AGMO: variants seen among roughly 807,000 people sequenced by gnomAD.
AGMO encodes glyceryl-ether monooxygenase.
In AGMO, 75 loss-of-function variants were observed where a neutral mutation model predicts 60.2. That is an observed-to-expected ratio of 1.25 (90% CI 1.03 to 1.51). The LOEUF (loss-of-function observed/expected upper bound fraction) is 1.51. AGMO is among the 40% of genes most tolerant of loss of function. AGMO has a pLI of 0.00. For missense variants in AGMO, 763 were observed against 525.5 expected (o/e 1.45, Z -4.42); for synonymous variants, 261 against 177.1 (o/e 1.47, Z -3.76).
At chr7:15,322,733 TAA>T (rs1322108018) in intron 12 of AGMO, among the ~76,000 whole-genome samples, 1 of 123,104 alleles carries the variant, frequency 8.1e-6, no homozygotes, top group Non-Finnish European at 1.6e-5. Context: ...AATATATATA[TAA>T]ATATATAAAT....
chr7:15,452,628 G>C (rs547925110), intron 3 of AGMO, among the ~76,000 whole-genome samples: 3 of 152,304 alleles, frequency 2.0e-5, no homozygotes, highest in Non-Finnish European at 2.9e-5. Context: ...CTGAAACATT[G>C]CCGGTGTGTA....
intron 4 of AGMO, among the ~76,000 whole-genome samples, chr7:15,427,458 G>C (rs1471962148): frequency 6.6e-6 from 1 of 152,054 alleles, no homozygotes. Flanking sequence ...ACTTTATTTA[G>C]AATTCACTAG....
the AGMO span, among the ~76,000 whole-genome samples, chr7:15,156,679 C>T: frequency 2.6e-5 from 4 of 152,194 alleles, no homozygotes; most frequent in African/African-American, 9.7e-5. Context: ...AGTCTTCATG[C>T]TCGGCAACCA....
At chr7:15,428,824 T>C (rs1003072969) in intron 4 of AGMO, among the ~76,000 whole-genome samples, 1 of 152,080 alleles carries the variant, frequency 6.6e-6, no homozygotes, top group Non-Finnish European at 1.5e-5. Flanking sequence ...GCTTTCTCTC[T>C]GAAAATGCAA....
At chr7:15,271,334 C>A (rs1324684079) in intron 12 of AGMO, among the ~76,000 whole-genome samples, 1 of 151,924 alleles carries the variant, frequency 6.6e-6, no homozygotes, top group Non-Finnish European at 1.5e-5. Context: ...ATGTCATCTG[C>A]AATTTCTTTC....
chr7:15,546,313 T>A (rs1784781941), intron 2 of AGMO, among the ~76,000 whole-genome samples: 1 of 152,122 alleles, frequency 6.6e-6, no homozygotes, highest in Middle Eastern at 3.2e-3. Context: ...CACCACACAT[T>A]AAAAAACTCA....
At chr7:15,192,492 C>G in the AGMO span, among the ~76,000 whole-genome samples, 1 of 152,152 alleles carries the variant, frequency 6.6e-6, no homozygotes, top group Non-Finnish European at 1.5e-5. Flanking sequence ...AGCTCCCCAT[C>G]CATCCCACTG....
chr7:15,127,002 ACT>A, the AGMO span, among the ~76,000 whole-genome samples: 1 of 152,012 alleles, frequency 6.6e-6, no homozygotes, highest in Non-Finnish European at 1.5e-5. Flanking sequence ...CTTCAGATAA[ACT>A]CAGCTAATTG....
chr7:15,229,437 T>G (rs2128499015), intron 12 of AGMO, among the ~76,000 whole-genome samples: 1 of 149,140 alleles, frequency 6.7e-6, no homozygotes, highest in Admixed American at 6.7e-5. Context: ...CAAGGTGGGG[T>G]TTTTGTCTCG....
intron 3 of AGMO, among the ~76,000 whole-genome samples, chr7:15,515,202 A>G (rs952767621): frequency 1.3e-5 from 2 of 152,242 alleles, no homozygotes; most frequent in Admixed American, 1.3e-4. Context: ...TGAAACTACT[A>G]AAAGGTTTTA....
intron 12 of AGMO, among the ~76,000 whole-genome samples, chr7:15,316,743 C>A (rs538208864): frequency 6.6e-6 from 1 of 152,092 alleles, no homozygotes; most frequent in Admixed American, 6.5e-5. Flanking sequence ...CACTGTTTAG[C>A]GAAAAATCCA....
rs527463907 is a variant in AGMO at position 15,270,596 on chromosome 7, ATTTTTTTTTTTTTTTTTTTTTTTTTT to A, written c.1264-69263_1264-69238del. ...ATTAAACAAATTTAATCTGTTGATA[ATTTTTTTTTTTTTTTTTTTTTTTTTT>A]TTTTTTTTTTTTTTTGCTGTGCAGA... On this transcript the variant is annotated intron_variant, in intron 12 of 12. Transcript: ENST00000342526. Among the ~76,000 whole-genome samples, 11 of 48,074 alleles carry A rather than the reference ATTTTTTTTTTTTTTTTTTTTTTTTTT, an allele frequency of 2.3e-4. No homozygotes were observed. In the South Asian group the frequency reaches 7.1e-3, roughly 31 times the overall value. The allele number at this position is 48,074 out of a possible 152,430, so 31.5% of individuals were successfully genotyped here. A position where few individuals can be genotyped will look rare whatever the true frequency, so the allele number is the denominator to read the frequency against.
the AGMO span, among the ~76,000 whole-genome samples, chr7:15,131,586 T>C: frequency 1.3e-5 from 2 of 152,138 alleles, no homozygotes; most frequent in Non-Finnish European, 2.9e-5. Flanking sequence ...GAATTTGTTT[T>C]TATCCTGCAT....
chr7:15,167,961 T>G, the AGMO span, among the ~76,000 whole-genome samples: 6 of 152,210 alleles, frequency 3.9e-5, no homozygotes, highest in Admixed American at 3.9e-4. Context: ...AGAATAGAAA[T>G]GCTAGACCTT....
At chr7:15,248,965 G>A (rs973117464) in intron 12 of AGMO, among the ~76,000 whole-genome samples, 19 of 152,172 alleles carry the variant, frequency 1.2e-4, no homozygotes, top group African/African-American at 4.3e-4. Flanking sequence ...TACATAAATC[G>A]GTATGCTAAG....
chr7:15,280,836 A>G (rs1439776041), intron 12 of AGMO, among the ~76,000 whole-genome samples: 2 of 152,222 alleles, frequency 1.3e-5, no homozygotes, highest in Non-Finnish European at 2.9e-5. Context: ...TACAATCAGT[A>G]TCTGAGAAAG....
At chr7:15,321,932 A>G (rs1781120004) in intron 12 of AGMO, among the ~76,000 whole-genome samples, 2 of 151,986 alleles carry the variant, frequency 1.3e-5, no homozygotes, top group African/African-American at 4.8e-5. Context: ...ATTTAATACA[A>G]TTTTTTTCTT....
chr7:15,119,905 G>A, the AGMO span, among the ~76,000 whole-genome samples: 2 of 148,310 alleles, frequency 1.3e-5, no homozygotes, highest in Non-Finnish European at 3.0e-5. Context: ...CCTTATAAAT[G>A]TAGCACCAGA....
At chr7:15,277,445 T>A (rs866904220) in intron 12 of AGMO, among the ~76,000 whole-genome samples, 1 of 152,214 alleles carries the variant, frequency 6.6e-6, no homozygotes, top group Non-Finnish European at 1.5e-5. Flanking sequence ...TTCAGATTTC[T>A]CATAGTCCCA....
Sources: gnomAD v4.1 joint callset for allele counts (sites outside exome capture counted in the v4.1 genomes callset) on GRCh38, gnomAD v4.1.1 for gene constraint, MANE v1.5 for transcripts, NCBI Gene and HGNC (gene_info 2026-07-23, HGNC 2026-07-21) for gene names.